ATP11A: variants seen among roughly 807,000 people sequenced by gnomAD.
The protein encoded by ATP11A is ATPase phospholipid transporting 11A.
Under a neutral mutation model 154.4 loss-of-function variants are expected in ATP11A, and 81 were observed. That is an observed-to-expected ratio of 0.52 (90% confidence interval 0.44 to 0.63). The LOEUF (loss-of-function observed/expected upper bound fraction) is 0.63, where lower values mean the gene tolerates loss of function less well. Ranked by LOEUF, ATP11A falls within the 30% of genes least tolerant of loss-of-function variation. ATP11A has a pLI of 0.00. For synonymous variants in ATP11A, 623 were observed against 585.9 expected, an observed-to-expected ratio of 1.06 and a Z score of -0.91; for missense variants, 1,316 against 1,474.3, an observed-to-expected ratio of 0.89 and a Z score of 1.76.
At chr13:112,826,390 G>A (rs966649890) in intron 11 of ATP11A, among the ~76,000 whole-genome samples, 4 of 152,190 alleles carry the variant, frequency 2.6e-5, no homozygotes, top group South Asian at 2.1e-4. Context: ...TAAAATTGCC[G>A]CTGGTGTCTG....
At chr13:112,810,913 C>T (rs901042173) in intron 5 of ATP11A, among the ~76,000 whole-genome samples, 187 bp downstream of exon 5, 5 of 152,152 alleles carry the variant, frequency 3.3e-5, no homozygotes, top group Non-Finnish European at 7.4e-5. Flanking sequence ...AGCCACTGCT[C>T]TCCAGCCTGG....
intron 1 of ATP11A, among the ~76,000 whole-genome samples, chr13:112,745,087 C>T (rs774977613): frequency 2.0e-5 from 3 of 152,176 alleles, no homozygotes; most frequent in Admixed American, 1.3e-4. Flanking sequence ...TTATTTGAGA[C>T]GGAGTCTTAC....
chr13:112,870,833 G>A (rs1368428650), intron 25 of ATP11A, among the ~76,000 whole-genome samples: 2 of 152,258 alleles, frequency 1.3e-5, no homozygotes, highest in East Asian at 1.9e-4. Flanking sequence ...CCAAGGCGGG[G>A]GGTGGTCTGG....
chr13:112,853,198 C>T (rs2079821071), intron 18 of ATP11A, among the ~76,000 whole-genome samples: 1 of 152,068 alleles, frequency 6.6e-6, no homozygotes, highest in Admixed American at 6.6e-5. Context: ...CTAGCCTGGG[C>T]AACATAAGGC....
chr13:112,873,158 T>C (rs9549584), intron 26 of ATP11A, among the ~76,000 whole-genome samples: 3,108 of 20,782 alleles, frequency 0.15, 9 homozygotes, highest in African/African-American at 0.23. Context: ...TCTTCCTGAG[T>C]GGTGTGAGGT....
chr13:112,758,463 G>A (rs1266564449), intron 1 of ATP11A, among the ~76,000 whole-genome samples: 1 of 140,254 alleles, frequency 7.1e-6, no homozygotes, highest in Non-Finnish European at 1.5e-5. Context: ...TCTCTCTGTC[G>A]CCCAGGCTGG....
intron 18 of ATP11A, 182 bp downstream of exon 18, chr13:112,851,400 C>G: frequency 2.0e-6 from 1 of 498,570 alleles, no homozygotes. Context: ...AAGGTCATGC[C>G]TGGGGGATAT....
At chr13:112,782,432 C>G (rs2077522974) in intron 1 of ATP11A, among the ~76,000 whole-genome samples, 1 of 151,450 alleles carries the variant, frequency 6.6e-6, no homozygotes, top group Non-Finnish European at 1.5e-5. Flanking sequence ...GTATGCTTTT[C>G]TCTCTTTTTC....
intron 1 of ATP11A, among the ~76,000 whole-genome samples, chr13:112,761,996 C>G (rs1301236241): frequency 6.6e-6 from 1 of 152,208 alleles, no homozygotes; most frequent in Non-Finnish European, 1.5e-5. Flanking sequence ...CTACTGGAGT[C>G]AACTGCCTAG....
At chr13:112,826,568 T>G in intron 11 of ATP11A, 126 bp from the exon 12 acceptor site, 1 of 797,286 alleles carries the variant, frequency 1.3e-6, no homozygotes, top group Non-Finnish European at 2.1e-6. Context: ...CTTTGGACTC[T>G]GAAATCTTGT....
intron 1 of ATP11A, among the ~76,000 whole-genome samples, chr13:112,758,792 G>T (rs1356148589): frequency 6.6e-6 from 1 of 152,170 alleles, no homozygotes; most frequent in Non-Finnish European, 1.5e-5. Flanking sequence ...ACTAACACTT[G>T]TGAAGCATTT....
chr13:112,787,568 G>T (rs1404581368), intron 2 of ATP11A, among the ~76,000 whole-genome samples: 1 of 79,900 alleles, frequency 1.3e-5, no homozygotes, highest in South Asian at 4.7e-4. Flanking sequence ...CCCCTGTGGA[G>T]ACCTACTTAA....
rs1162492407 is a variant in ATP11A at position 112,770,454 on chromosome 13, C to T, written c.40-14681C>T. Among the ~76,000 whole-genome samples, 9 of 152,292 alleles carry T rather than the reference C, an allele frequency of 5.9e-5. No homozygotes were observed. In the South Asian group the frequency reaches 1.7e-3, roughly 28 times the overall value. Reference sequence around the variant, plus strand: ...AATCCAGTCGTTACCATGAGTGTGACGAGAGTGGGGAGAACCAGTGGAGCT... The same window carrying T: ...AATCCAGTCGTTACCATGAGTGTGATGAGAGTGGGGAGAACCAGTGGAGCT... On this transcript the variant is annotated intron_variant, in intron 1 of 29. Transcript: ENST00000375645.
At chr13:112,814,950 C>T (rs1169158369) in intron 5 of ATP11A, among the ~76,000 whole-genome samples, 8 of 152,138 alleles carry the variant, frequency 5.3e-5, no homozygotes, top group Non-Finnish European at 1.0e-4. Flanking sequence ...GGAAGAGTAA[C>T]CCTCTGATTT....
intron 6 of ATP11A, 40 bp from the exon 7 acceptor site, chr13:112,819,264 C>T (rs777811379): frequency 1.3e-6 from 2 of 1,581,930 alleles, no homozygotes; most frequent in East Asian, 4.5e-5. Context: ...TTTGTGTTGA[C>T]CGTTTTGGCG....
chr13:112,762,881 C>T (rs1009301169), intron 1 of ATP11A, among the ~76,000 whole-genome samples: 2 of 152,262 alleles, frequency 1.3e-5, no homozygotes, highest in African/African-American at 4.8e-5. Context: ...AGGCCTTCCT[C>T]GCCGTGCGCG....
chr13:112,810,860 G>A, intron 5 of ATP11A, 134 bp downstream of exon 5: 1 of 735,400 alleles, frequency 1.4e-6, no homozygotes, highest in East Asian at 2.7e-5. Context: ...CGCTGAGCCT[G>A]GAAGTCGGAG....
intron 1 of ATP11A, among the ~76,000 whole-genome samples, chr13:112,716,355 G>T (rs1206651459): frequency 6.6e-6 from 1 of 152,184 alleles, no homozygotes; most frequent in Non-Finnish European, 1.5e-5. Context: ...CTAGGTGCGT[G>T]TGGCCTGGCG....
At chr13:112,847,423 G>C (rs778689144) in intron 17 of ATP11A, among the ~76,000 whole-genome samples, 1 of 152,092 alleles carries the variant, frequency 6.6e-6, no homozygotes. Context: ...ATCCATGTTT[G>C]GCTAATTTTT....
Sources: gnomAD v4.1 joint callset for allele counts (sites outside exome capture counted in the v4.1 genomes callset) on GRCh38, gnomAD v4.1.1 for gene constraint, MANE v1.5 for transcripts, NCBI Gene and HGNC (gene_info 2026-07-23, HGNC 2026-07-21) for gene names.